Variants in PPP1R13L observed in about 807,000 individuals in gnomAD.
PPP1R13L encodes the protein protein phosphatase 1 regulatory subunit 13 like.
In PPP1R13L, 50 loss-of-function variants were observed where a neutral mutation model predicts 80.9. The ratio of observed to expected loss-of-function variants is 0.62; its 90% CI spans 0.49 to 0.78. PPP1R13L has a LOEUF of 0.78. Among genes scored for constraint, PPP1R13L ranks in the 30% least tolerant of loss-of-function variants. PPP1R13L has a pLI of 0.00. For missense variants in PPP1R13L, 1,200 were observed against 1,205.9 expected, an observed-to-expected ratio of 1.00 and a Z score of 0.07; for synonymous variants, 602 against 534.3, an observed-to-expected ratio of 1.13 and a Z score of -1.75.
At chr19:45,399,243 T>C (rs1234433486) in intron 1 of PPP1R13L, among the ~76,000 whole-genome samples, 2 of 146,920 alleles carry the variant, frequency 1.4e-5, no homozygotes, top group Admixed American at 1.4e-4. Flanking sequence ...GCGCCCGGCC[T>C]TGTTTTTGTT....
In PPP1R13L at chr19:45,403,416, C is replaced by T. The variant is rs576537219; in HGVS notation, c.-22+1583G>A. Among the ~76,000 whole-genome samples, 207 of 152,210 alleles carry T rather than the reference C, an allele frequency of 1.4e-3. 2 individuals are homozygous for T. Among genetic ancestry groups the T allele is most frequent in the Admixed American group, 3.4e-3 (52 of 15,292 alleles). On this transcript the variant is annotated intron_variant, in intron 1 of 12. Coordinates refer to ENST00000360957, the MANE Select transcript of PPP1R13L (RefSeq NM_006663.4). ...CCTTGCCTCTCAGAGTCCTAAATTT[C>T]CCCTGTACATTCCTGAGTCTGGCCA...
At position 45,380,130 on chromosome 19, in the gene PPP1R13L, G is replaced by A; in HGVS notation, c.*60C>T. 1 of 1,586,284 alleles carries A rather than the reference G, an allele frequency of 6.3e-7. No individual in the cohort carries two copies. The highest frequency in any genetic ancestry group is 8.7e-7 in the Non-Finnish European group (1 of 1,155,404). The stretch of plus-strand genomic sequence containing the variant: ...AAGGCAGCAAAAAACAGAGGGAGAG[G>A]TCTGGAGGGAAGGCAGGAATGCTTG... On this transcript the variant is annotated 3_prime_UTR_variant, in exon 13 of 13. Coordinates refer to ENST00000360957, the MANE Select transcript of PPP1R13L (RefSeq NM_006663.4).
At position 45,379,715 on chromosome 19, in the gene PPP1R13L, G is replaced by A. The variant is rs1441916615; in HGVS notation, c.*475C>T. On this transcript the variant is annotated 3_prime_UTR_variant, in exon 13 of 13. Coordinates refer to ENST00000360957, the MANE Select transcript of PPP1R13L (RefSeq NM_006663.4). The stretch of plus-strand genomic sequence containing the variant: ...AAACATTAAACCAGTGCTGTGTGAA[G>A]GCACTTAATTGGGGAGAGGTGGGGC... 1 of 158,326 alleles carries A rather than the reference G, an allele frequency of 6.3e-6. No homozygotes were observed. Among genetic ancestry groups the A allele is most frequent in the Non-Finnish European group, 1.4e-5 (1 of 71,918 alleles). The allele number at this position is 158,326 out of a possible 1,614,324, so 9.8% of individuals were successfully genotyped here.
intron 1 of PPP1R13L, 71 bp from the exon 2 acceptor site, chr19:45,398,410 G>A: frequency 6.9e-7 from 1 of 1,447,468 alleles, no homozygotes; most frequent in Non-Finnish European, 9.4e-7. Context: ...GGAGTCAGAC[G>A]CCGTCAGGAG....
At chr19:45,393,274 G>T (rs1005063160) in intron 7 of PPP1R13L, 3 of 150,892 alleles carry the variant, frequency 2.0e-5, no homozygotes, top group Non-Finnish European at 4.4e-5. Context: ...TATATAGTAT[G>T]CATATACATA....
Position 45,385,416 on chromosome 19 carries a change from T to C in PPP1R13L, c.2248+146A>G, listed in dbSNP as rs995303888. The C allele has an allele frequency of 3.0e-6, 3 of 1,003,572 alleles. No homozygotes were observed. In the African/African-American group the frequency reaches 4.9e-5, roughly 16 times the overall value. The allele number at this position is 1,003,572 out of a possible 1,614,324, so 62.2% of individuals were successfully genotyped here. ...ATAGTCCCCCCACCCCCGCAAGCGGTCCATCCCTCATCCTCCTCCTCGGCA... is the reference window on the plus strand; with the variant it reads ...ATAGTCCCCCCACCCCCGCAAGCGGCCCATCCCTCATCCTCCTCCTCGGCA... On this transcript the variant is annotated intron_variant, in intron 11 of 12. Transcript: ENST00000360957.
At chr19:45,399,236 C>G (rs1973179782) in intron 1 of PPP1R13L, among the ~76,000 whole-genome samples, 1 of 150,608 alleles carries the variant, frequency 6.6e-6, no homozygotes, top group Non-Finnish European at 1.5e-5. Context: ...AGCCACCGCG[C>G]CCGGCCTTGT....
In PPP1R13L at chr19:45,386,038, G is replaced by C; in HGVS notation, c.1947+11C>G. On this transcript the variant is annotated intron_variant, in intron 9 of 12. Coordinates refer to ENST00000360957, the MANE Select transcript of PPP1R13L (RefSeq NM_006663.4). ...CCCCGCCGTGCCCACCTCCCGCTCA[G>C]CAGCGCTCACCTCCTTCACCGCCTG... 2 of 1,589,736 alleles carry C rather than the reference G, an allele frequency of 1.3e-6. No individual in the cohort carries two copies. Among genetic ancestry groups the C allele is most frequent in the Non-Finnish European group, 1.7e-6 (2 of 1,170,750 alleles).
chr19:45,398,211 C>A, intron 2 of PPP1R13L, 53 bp downstream of exon 2: 1 of 1,612,998 alleles, frequency 6.2e-7, no homozygotes, highest in Non-Finnish European at 8.5e-7. Flanking sequence ...CAGCACCCCT[C>A]GCCCGCTGCC....
chr19:45,380,281 C>T, intron 12 of PPP1R13L, 53 bp from the exon 13 acceptor site: 1 of 1,603,512 alleles, frequency 6.2e-7, no homozygotes. Flanking sequence ...CCTCATCCCA[C>T]ATGCAAATCC....
At chr19:45,395,914 T>C in intron 6 of PPP1R13L, 28 bp from the exon 7 acceptor site, 1 of 1,526,686 alleles carries the variant, frequency 6.6e-7, no homozygotes, top group South Asian at 1.2e-5. Flanking sequence ...GAGAAGGGGA[T>C]CGGGTGAGAG....
Position 45,386,151 on chromosome 19 carries a change from G to T in PPP1R13L, c.1845C>A (p.Gly615=). Reference sequence around the variant, plus strand: ...GCGCGCGGCGGGCCTTGCGCGGGGAGCCCGCCTTCCGCAGCACAGAGCGCA... The same window carrying T: ...GCGCGCGGCGGGCCTTGCGCGGGGATCCCGCCTTCCGCAGCACAGAGCGCA... ...MEMRSVLRKA[G]SPRKARRARL... The change falls in exon 9 of 13, where the codon GGC becomes GGA. Residue 615 remains glycine (G), a synonymous_variant. Transcript: ENST00000360957. The T allele has an allele frequency of 6.5e-7, 1 of 1,539,536 alleles. No individual in the cohort carries two copies. The highest frequency in any genetic ancestry group is 2.3e-5 in the Admixed American group (1 of 43,728).
At chr19:45,398,577 TTTC>T (rs1973164506) in intron 1 of PPP1R13L, among the ~76,000 whole-genome samples, 1 of 150,410 alleles carries the variant, frequency 6.6e-6, no homozygotes, top group Non-Finnish European at 1.5e-5. Context: ...TCTTTCTTTT[TTTC>T]TTTTCTTTTT....
chr19:45,382,035 G>T (rs566611841), intron 12 of PPP1R13L, among the ~76,000 whole-genome samples: 1 of 152,068 alleles, frequency 6.6e-6, no homozygotes, highest in South Asian at 2.1e-4. Flanking sequence ...GAGGTCAGTA[G>T]ATCAAAACCA....
chr19:45,382,841 G>T, intron 11 of PPP1R13L, 115 bp from the exon 12 acceptor site: 1 of 920,552 alleles, frequency 1.1e-6, no homozygotes, highest in Non-Finnish European at 1.7e-6. Flanking sequence ...GCAACCACCT[G>T]AAATGTTGTG....
Position 45,380,193 on chromosome 19 carries a change from G to C in PPP1R13L, c.2484C>G (p.Val828=). The C allele has an allele frequency of 1.2e-6, 2 of 1,614,082 alleles. No individual in the cohort carries two copies. The highest frequency in any genetic ancestry group is 4.5e-5 in the East Asian group (2 of 44,882). ...FPRVKPQRSK[V] Reference sequence around the variant, plus strand: ...TCAGAAACCTCCTTCTATCCTGCTAGACTTTACTCCTTTGAGGCTTCACCC... The same window carrying C: ...TCAGAAACCTCCTTCTATCCTGCTACACTTTACTCCTTTGAGGCTTCACCC... Residue 828 remains valine (V), a synonymous_variant, in exon 13 of 13, where the codon GTC becomes GTG. Transcript: ENST00000360957.
chr19:45,396,119 C>A lies in PPP1R13L; in HGVS notation c.903+49G>T, dbSNP rs1264249781. The A allele has an allele frequency of 3.2e-6, 5 of 1,543,644 alleles. No homozygotes were observed. The highest frequency in any genetic ancestry group is 4.4e-6 in the Non-Finnish European group (5 of 1,144,044). On this transcript the variant is annotated intron_variant, in intron 6 of 12. Transcript: ENST00000360957. The surrounding 1 kb of genome is among the most constrained non-coding windows in gnomAD (Gnocchi z 5.3). ...TGGCCTTGACCCCGCTCCCCCACCCCACTCCTCGACCTTCCCCAGCCTCTC... is the reference window on the plus strand; with the variant it reads ...TGGCCTTGACCCCGCTCCCCCACCCAACTCCTCGACCTTCCCCAGCCTCTC...
At chr19:45,387,844 C>A (rs1179097134) in intron 8 of PPP1R13L, among the ~76,000 whole-genome samples, 4 of 152,152 alleles carry the variant, frequency 2.6e-5, no homozygotes, top group Non-Finnish European at 5.9e-5. Context: ...AGCCATCATG[C>A]CTGACCTAGA....
intron 2 of PPP1R13L, 42 bp downstream of exon 2, chr19:45,398,222 G>A: frequency 1.2e-6 from 2 of 1,613,136 alleles, no homozygotes; most frequent in Non-Finnish European, 1.7e-6. Flanking sequence ...GCCCGCTGCC[G>A]AGGTCCCCGC....
Sources: gnomAD v4.1 joint callset for allele counts (sites outside exome capture counted in the v4.1 genomes callset) on GRCh38, gnomAD v4.1.1 for gene constraint, Gnocchi (gnomAD v3.1) non-coding constraint, MANE v1.5 for transcripts, NCBI Gene and HGNC (gene_info 2026-07-23, HGNC 2026-07-21) for gene names.